Variants in ADAMTSL1 observed in about 807,000 individuals in gnomAD.
The protein encoded by ADAMTSL1 is ADAMTS like 1, also known as ADAMTS-like protein 1.
ADAMTSL1 carries 126 observed loss-of-function variants against 201.8 expected under a neutral mutation model. That is an observed-to-expected ratio of 0.62 (90% CI 0.54 to 0.72). The LOEUF is 0.72. Ranked by LOEUF, ADAMTSL1 falls within the 30% of genes least tolerant of loss-of-function variation. The pLI, the probability that ADAMTSL1 is intolerant of heterozygous loss-of-function variation, is 0.00. For missense variants in ADAMTSL1, 2,679 were observed against 2,277.8 expected (o/e 1.18, Z -3.59); for synonymous variants, 1,121 against 903.4 (o/e 1.24, Z -4.32).
At chr9:17,969,103 A>G (rs1342067959) in intron 1 of ADAMTSL1, among the ~76,000 whole-genome samples, 1 of 152,042 alleles carries the variant, frequency 6.6e-6, no homozygotes, top group South Asian at 2.1e-4. Flanking sequence ...CATTTTTGCT[A>G]TATGTGTATA....
intron 1 of ADAMTSL1, among the ~76,000 whole-genome samples, chr9:18,121,149 C>T (rs115893362): frequency 1.0e-3 from 152 of 152,230 alleles, no homozygotes; most frequent in African/African-American, 3.5e-3. Context: ...AAAAAGAAAT[C>T]GTTTTGAAAA....
chr9:18,893,152 G>A (rs920203754), intron 26 of ADAMTSL1, among the ~76,000 whole-genome samples: 6 of 151,952 alleles, frequency 3.9e-5, no homozygotes, highest in Admixed American at 2.6e-4. Context: ...AATCAAACAG[G>A]CATGAGCTCC....
upstream of ADAMTSL1, chr9:18,473,961 C>T (rs1821322740): frequency 2.3e-6 from 1 of 429,334 alleles, no homozygotes; most frequent in East Asian, 3.7e-5. Context: ...TTGCTCGCAC[C>T]GTTACACTTT....
At chr9:18,140,125 C>T (rs1284331971) in intron 1 of ADAMTSL1, among the ~76,000 whole-genome samples, 3 of 152,078 alleles carry the variant, frequency 2.0e-5, no homozygotes, top group Non-Finnish European at 4.4e-5. Flanking sequence ...GCTAAGCAAA[C>T]CCTAGCCTAC....
intron 1 of ADAMTSL1, among the ~76,000 whole-genome samples, chr9:17,963,988 T>C (rs1470655695): frequency 6.6e-6 from 1 of 152,148 alleles, no homozygotes; most frequent in East Asian, 1.9e-4. Context: ...ATTATTATTT[T>C]TTTATTTAGT....
chr9:18,458,772 G>C lies in ADAMTSL1; in HGVS notation c.208-46057G>C, dbSNP rs139442162. ...CACTGCTTCCCCATGGGTAATTATG[G>C]GTAATTTGTTTTTTAAAAAAGAAAA... is the stretch of plus-strand genomic sequence containing the variant. On this transcript the variant is annotated intron_variant, in intron 2 of 29. Transcript: ENST00000680146. 4.6e-5 allele frequency among the ~76,000 whole-genome samples: 7 copies of C among 152,112 alleles called. No individual in the cohort carries two copies. In the East Asian group the frequency reaches 1.4e-3, roughly 29 times the overall value.
At chr9:18,109,746 T>C (rs1454540809) in intron 1 of ADAMTSL1, among the ~76,000 whole-genome samples, 1 of 152,166 alleles carries the variant, frequency 6.6e-6, no homozygotes, top group Non-Finnish European at 1.5e-5. Context: ...CAATGTCCCT[T>C]GAATTCTTAG....
intron 4 of ADAMTSL1, among the ~76,000 whole-genome samples, chr9:18,585,670 A>T (rs1172932610): frequency 6.6e-6 from 1 of 152,222 alleles, no homozygotes; most frequent in Non-Finnish European, 1.5e-5. Flanking sequence ...ACTTCAGATC[A>T]ATATCCTTGA....
At chr9:17,908,399 G>A (rs954130770) in intron 1 of ADAMTSL1, among the ~76,000 whole-genome samples, 7 of 152,156 alleles carry the variant, frequency 4.6e-5, no homozygotes, top group Admixed American at 4.6e-4. Flanking sequence ...AAGCTCTCGG[G>A]TAATTCTGTT....
At chr9:18,165,673 A>C (rs1827598383) in intron 2 of ADAMTSL1, among the ~76,000 whole-genome samples, 3 of 151,918 alleles carry the variant, frequency 2.0e-5, no homozygotes, top group African/African-American at 7.2e-5. Flanking sequence ...TACAAGAAAA[A>C]GAGGGGAAAA....
At chr9:18,173,933 G>A (rs1433792308) in intron 2 of ADAMTSL1, among the ~76,000 whole-genome samples, 4 of 152,052 alleles carry the variant, frequency 2.6e-5, no homozygotes, top group Non-Finnish European at 5.9e-5. Context: ...CTTCAGGTTA[G>A]TATTCAAATT....
intron 4 of ADAMTSL1, among the ~76,000 whole-genome samples, chr9:18,576,057 G>A (rs1001627611): frequency 3.9e-4 from 60 of 152,210 alleles, no homozygotes; most frequent in African/African-American, 1.3e-3. Context: ...ACTGGACTTT[G>A]GGTTACAAGT....
At chr9:18,118,882 C>A (rs531429890) in intron 1 of ADAMTSL1, among the ~76,000 whole-genome samples, 1 of 152,160 alleles carries the variant, frequency 6.6e-6, no homozygotes, top group South Asian at 2.1e-4. Flanking sequence ...CAGAAAATAC[C>A]GCAAAGCATG....
chr9:17,964,746 T>G (rs1468562072), intron 1 of ADAMTSL1, among the ~76,000 whole-genome samples: 1 of 152,208 alleles, frequency 6.6e-6, no homozygotes, highest in African/African-American at 2.4e-5. Context: ...GTGTTGCTTC[T>G]TATAACTACA....
intron 2 of ADAMTSL1, among the ~76,000 whole-genome samples, chr9:18,209,910 C>G (rs192308622): frequency 1.9e-4 from 29 of 152,212 alleles, no homozygotes; most frequent in African/African-American, 6.3e-4. Context: ...ATTATCTAGG[C>G]TGAGGATCTC....
At chr9:18,439,823 C>A (rs887039522) in intron 2 of ADAMTSL1, among the ~76,000 whole-genome samples, 6 of 152,178 alleles carry the variant, frequency 3.9e-5, no homozygotes, top group African/African-American at 1.4e-4. Context: ...TATCCCATTT[C>A]ATCTTCATAC....
At chr9:18,473,856 T>A (rs761513292), upstream of ADAMTSL1, 43 of 278,888 alleles carry the variant, frequency 1.5e-4, no homozygotes, top group East Asian at 9.4e-4. Context: ...GGAAGCACAG[T>A]GCTTGGCTTC....
intron 1 of ADAMTSL1, among the ~76,000 whole-genome samples, chr9:18,117,588 A>C (rs112706650): frequency 0.021 from 3,228 of 152,146 alleles, 44 homozygotes; most frequent in Non-Finnish European, 0.033. Flanking sequence ...ACTACTCCCA[A>C]CACCTCTTCC....
In ADAMTSL1 at chr9:18,647,263, T is replaced by A. The variant is rs547664434; in HGVS notation, c.834+7852T>A. On this transcript the variant is annotated intron_variant, in intron 7 of 28. Transcript: ENST00000380548. ...CTTTATCATTTTTTATTGCATCTATTTGATTCTTCTCTCTTTTTTTCTTTA... is the reference window on the plus strand; with the variant it reads ...CTTTATCATTTTTTATTGCATCTATATGATTCTTCTCTCTTTTTTTCTTTA... Among the ~76,000 whole-genome samples, 10 of 152,308 alleles carry A rather than the reference T, an allele frequency of 6.6e-5. No individual in the cohort carries two copies. In the South Asian group the frequency reaches 1.2e-3, roughly 19 times the overall value.
Sources: gnomAD v4.1 joint callset for allele counts (sites outside exome capture counted in the v4.1 genomes callset) on GRCh38, gnomAD v4.1.1 for gene constraint, MANE v1.5 for transcripts, NCBI Gene and HGNC (gene_info 2026-07-23, HGNC 2026-07-21) for gene names.